Variants in SNX25 observed in about 807,000 individuals in gnomAD.
SNX25 encodes the protein sorting nexin-25.
A neutral mutation model predicts 113.7 loss-of-function variants in SNX25; 62 were observed. The observed-to-expected ratio is 0.55, with a 90% confidence interval of 0.44 to 0.67. The LOEUF is 0.67. Among genes scored for constraint, SNX25 ranks in the 30% least tolerant of loss-of-function variants. The pLI, the probability that SNX25 is intolerant of heterozygous loss-of-function variation, is 0.00. For synonymous variants in SNX25, 421 were observed against 436.2 expected (o/e 0.97, Z 0.43); for missense variants, 1,014 against 1,161.0 (o/e 0.87, Z 1.84).
In SNX25 at chr4:185,360,325, A is replaced by G. The variant is rs150067473; in HGVS notation, c.2652-1599A>G. ...GAGATACGCAGTTATAGATGGAGATAACAGTGTAGTTTGACTCATAGCAGT... is the reference window on the plus strand; with the variant it reads ...GAGATACGCAGTTATAGATGGAGATGACAGTGTAGTTTGACTCATAGCAGT... On this transcript the variant is annotated intron_variant, in intron 16 of 18. Transcript: ENST00000652585. Among the ~76,000 whole-genome samples, 299 of 152,364 alleles carry G rather than the reference A, an allele frequency of 2.0e-3. 1 individual carries two copies. Among genetic ancestry groups the G allele is most frequent in the Non-Finnish European group, 3.2e-3 (215 of 68,030 alleles).
intron 3 of SNX25, 73 bp downstream of exon 3, chr4:185,259,137 A>G (rs1450942121): frequency 7.5e-7 from 1 of 1,325,398 alleles, no homozygotes; most frequent in Non-Finnish European, 1.1e-6. Context: ...CAAAGTCAAG[A>G]TAAAACTCTA....
chr4:185,236,836 G>GT (rs374960587), intron 1 of SNX25, among the ~76,000 whole-genome samples: 263 of 151,986 alleles, frequency 1.7e-3, no homozygotes, highest in African/African-American at 5.5e-3. Flanking sequence ...TCTATTTTAC[G>GT]TATGAGGAAA....
rs776234091 is a variant in SNX25 at position 185,264,756 on chromosome 4, G to A, written c.904+146G>A. On this transcript the variant is annotated intron_variant, in intron 4 of 18. Coordinates refer to ENST00000652585, the MANE Select transcript of SNX25 (RefSeq NM_001378034.2). ...TCTCTAAAACTATTTGGCCATTCAG[G>A]ATAAACTTAAATTTTTAATATGACA... 32 of 843,412 alleles carry A rather than the reference G, an allele frequency of 3.8e-5. 1 individual carries two copies. Among genetic ancestry groups the A allele is most frequent in the Non-Finnish European group, 5.3e-5 (30 of 566,512 alleles). The allele number at this position is 843,412 out of a possible 1,614,324, so 52.2% of individuals were successfully genotyped here.
intron 9 of SNX25, among the ~76,000 whole-genome samples, chr4:185,324,240 G>A (rs1579791982): frequency 1.3e-5 from 2 of 152,170 alleles, no homozygotes; most frequent in East Asian, 1.9e-4. Flanking sequence ...AGGAGAGGTA[G>A]GGAATGTGGG....
chr4:185,335,023 T>A (rs1030013104), intron 10 of SNX25, among the ~76,000 whole-genome samples: 12 of 152,118 alleles, frequency 7.9e-5, no homozygotes, highest in Non-Finnish European at 1.5e-4. Context: ...ATAATTTTTT[T>A]AAAAACTTAA....
chr4:185,274,624 G>A (rs943782344), intron 5 of SNX25, among the ~76,000 whole-genome samples: 3 of 152,198 alleles, frequency 2.0e-5, no homozygotes, highest in Non-Finnish European at 4.4e-5. Flanking sequence ...GAAACATGCA[G>A]CTTTCCTGGA....
At chr4:185,360,764 A>G (rs2095357502) in intron 16 of SNX25, among the ~76,000 whole-genome samples, 1 of 151,878 alleles carries the variant, frequency 6.6e-6, no homozygotes, top group African/African-American at 2.4e-5. Flanking sequence ...CTAAAAATAC[A>G]AAAAATTAGC....
chr4:185,298,646 A>C (rs992270436), intron 6 of SNX25, among the ~76,000 whole-genome samples: 1 of 152,084 alleles, frequency 6.6e-6, no homozygotes, highest in Non-Finnish European at 1.5e-5. Context: ...GTCTCTCTGC[A>C]TTCCAGCCAC....
intron 7 of SNX25, 21 bp from the exon 8 acceptor site, chr4:185,320,712 T>C: frequency 7.1e-7 from 1 of 1,414,632 alleles, no homozygotes; most frequent in East Asian, 2.6e-5. Flanking sequence ...TAAAAAAAGT[T>C]TTCTTAAATT....
chr4:185,287,134 TAAG>T (rs1751452228), intron 5 of SNX25, among the ~76,000 whole-genome samples: 1 of 152,210 alleles, frequency 6.6e-6, no homozygotes, highest in Non-Finnish European at 1.5e-5. Flanking sequence ...AAAGGACTCT[TAAG>T]AATTTGGATT....
chr4:185,282,105 A>G (rs1014019926), intron 5 of SNX25, among the ~76,000 whole-genome samples: 1 of 152,194 alleles, frequency 6.6e-6, no homozygotes, highest in Non-Finnish European at 1.5e-5. Context: ...TAATTTTTAT[A>G]AAACAGTGTT....
intron 5 of SNX25, among the ~76,000 whole-genome samples, chr4:185,269,190 A>G (rs1748560980): frequency 6.6e-6 from 1 of 151,724 alleles, no homozygotes; most frequent in Non-Finnish European, 1.5e-5. Context: ...CTTTTAAAGC[A>G]TCATTCTATA....
intron 6 of SNX25, among the ~76,000 whole-genome samples, chr4:185,303,658 CAAAAAAAAAA>C (rs34378168): frequency 5.7e-4 from 29 of 50,904 alleles, no homozygotes; most frequent in African/African-American, 1.8e-3. Context: ...GACTCTGTCT[CAAAAAAAAAA>C]AAAAAAAAAA....
intron 11 of SNX25, among the ~76,000 whole-genome samples, chr4:185,339,963 G>A (rs999162173): frequency 2.8e-4 from 43 of 151,634 alleles, no homozygotes; most frequent in African/African-American, 1.0e-3. Flanking sequence ...TGTTTTTTTT[G>A]AGGGATATGA....
At position 185,332,588 on chromosome 4, in the gene SNX25, C is replaced by A; in HGVS notation, c.1750-7C>A. The A allele has an allele frequency of 6.2e-7, 1 of 1,602,210 alleles. No homozygotes were observed. The highest frequency in any genetic ancestry group is 8.5e-7 in the Non-Finnish European group (1 of 1,174,098). ...TAAGATATGGTGGTATGTGACTCTCCCCCTAGGGCCCAAGAGATGAGGCTG... is the reference window on the plus strand; with the variant it reads ...TAAGATATGGTGGTATGTGACTCTCACCCTAGGGCCCAAGAGATGAGGCTG... On this transcript the variant is annotated splice_region_variant and splice_polypyrimidine_tract_variant and intron_variant, in intron 9 of 18. Coordinates refer to ENST00000652585, the MANE Select transcript of SNX25 (RefSeq NM_001378034.2).
chr4:185,351,737 C>T, intron 14 of SNX25, 128 bp downstream of exon 14: 1 of 957,178 alleles, frequency 1.0e-6, no homozygotes, highest in Non-Finnish European at 1.5e-6. Flanking sequence ...GAGGCACCTG[C>T]TTGTATTTCT....
chr4:185,375,299 C>A, the SNX25 span, among the ~76,000 whole-genome samples: 48,038 of 146,138 alleles, frequency 0.33, 8,909 homozygotes, highest in African/African-American at 0.52. Context: ...TCTACTAAAA[C>A]TACAAAAATT....
At chr4:185,270,125 GC>G (rs1748708830) in intron 5 of SNX25, among the ~76,000 whole-genome samples, 2 of 151,404 alleles carry the variant, frequency 1.3e-5, no homozygotes, top group South Asian at 4.2e-4. Flanking sequence ...GCTGAGGAGG[GC>G]AGATTGCTTG....
intron 5 of SNX25, among the ~76,000 whole-genome samples, chr4:185,284,398 A>C (rs1350056608): frequency 6.6e-6 from 1 of 152,204 alleles, no homozygotes; most frequent in African/African-American, 2.4e-5. Context: ...ATTTCAGAGA[A>C]GACAGATATT....
Sources: allele counts gnomAD v4.1 joint callset (sites outside exome capture counted in the v4.1 genomes callset), GRCh38; gene constraint gnomAD v4.1.1; transcripts MANE v1.5; gene names NCBI Gene and HGNC (gene_info 2026-07-23, HGNC 2026-07-21).